The following TBC1D22A variants were observed in gnomAD, a reference collection of about 807,000 sequenced individuals.
TBC1D22A encodes putative GTPase activator.
TBC1D22A carries 38 observed loss-of-function variants against 60.2 expected under a neutral mutation model. The ratio of observed to expected loss-of-function variants is 0.63; its 90% CI spans 0.49 to 0.83. The LOEUF (loss-of-function observed/expected upper bound fraction) is 0.83, where lower values mean the gene tolerates loss of function less well. Ranked by LOEUF, TBC1D22A falls within the 40% of genes least tolerant of loss-of-function variation. The pLI, the probability that TBC1D22A is intolerant of heterozygous loss-of-function variation, is 0.00. For missense variants in TBC1D22A, 628 were observed against 701.0 expected (o/e 0.90, Z 1.18); for synonymous variants, 302 against 281.7 (o/e 1.07, Z -0.72).
intron 4 of TBC1D22A, among the ~76,000 whole-genome samples, chr22:46,800,077 C>T (rs761331340): frequency 6.6e-6 from 1 of 152,166 alleles, no homozygotes; most frequent in Non-Finnish European, 1.5e-5. Context: ...CCATGGCGTA[C>T]GTGGAGAACC....
At chr22:46,818,906 C>T (rs2085711876) in intron 4 of TBC1D22A, among the ~76,000 whole-genome samples, 1 of 152,094 alleles carries the variant, frequency 6.6e-6, no homozygotes, top group Non-Finnish European at 1.5e-5. Flanking sequence ...TCTGTTACTT[C>T]CTTGAGCAGT....
chr22:47,168,432 C>T (rs1417056548), intron 12 of TBC1D22A, among the ~76,000 whole-genome samples: 2 of 151,494 alleles, frequency 1.3e-5, no homozygotes, highest in Admixed American at 6.6e-5. Flanking sequence ...GCTGTGGGCT[C>T]GGTTTTGGGG....
At chr22:46,846,351 TCA>T (rs2147250919) in intron 4 of TBC1D22A, among the ~76,000 whole-genome samples, 1 of 152,342 alleles carries the variant, frequency 6.6e-6, no homozygotes, top group East Asian at 1.9e-4. Context: ...CATCGCTTAC[TCA>T]CCTATGCTTT....
intron 12 of TBC1D22A, among the ~76,000 whole-genome samples, chr22:47,154,458 C>A (rs1221056254): frequency 1.3e-5 from 2 of 152,186 alleles, no homozygotes; most frequent in Non-Finnish European, 2.9e-5. Context: ...AATTACGACT[C>A]TTTGACTGCA....
intron 3 of TBC1D22A, among the ~76,000 whole-genome samples, chr22:46,796,226 G>T (rs1210749384): frequency 6.6e-6 from 1 of 152,162 alleles, no homozygotes; most frequent in Non-Finnish European, 1.5e-5. Flanking sequence ...CCCCACTTTA[G>T]CAGACTTTTC....
At chr22:47,050,341 C>T (rs1242520590) in intron 11 of TBC1D22A, among the ~76,000 whole-genome samples, 2 of 152,218 alleles carry the variant, frequency 1.3e-5, no homozygotes, top group Non-Finnish European at 2.9e-5. Context: ...CATCACTGGG[C>T]ATTTTCATTA....
chr22:46,957,482 A>C (rs755325945), intron 8 of TBC1D22A, among the ~76,000 whole-genome samples: 26 of 152,228 alleles, frequency 1.7e-4, no homozygotes, highest in Non-Finnish European at 3.8e-4. Flanking sequence ...TGCTTATAAG[A>C]CCAGCACATC....
chr22:46,942,615 G>A (rs767743414), intron 8 of TBC1D22A, among the ~76,000 whole-genome samples: 10 of 152,180 alleles, frequency 6.6e-5, no homozygotes, highest in Admixed American at 1.3e-4. Flanking sequence ...TACAGCACAT[G>A]TCAATTAGGA....
chr22:47,087,934 G>A (rs914426967), intron 11 of TBC1D22A, among the ~76,000 whole-genome samples: 2 of 151,998 alleles, frequency 1.3e-5, no homozygotes, highest in African/African-American at 2.4e-5. Flanking sequence ...TTAGCCAGGC[G>A]TGGTGGCGGG....
chr22:46,893,579 T>C (rs2068515936), intron 6 of TBC1D22A, among the ~76,000 whole-genome samples: 1 of 152,236 alleles, frequency 6.6e-6, no homozygotes. Context: ...CAGGAGCTTA[T>C]GCTGCTCATG....
intron 11 of TBC1D22A, among the ~76,000 whole-genome samples, chr22:47,100,262 G>T (rs1603267918): frequency 6.6e-6 from 1 of 151,756 alleles, no homozygotes; most frequent in Admixed American, 6.6e-5. Flanking sequence ...CAAGGGTGAG[G>T]CCTCAGGGCA....
chr22:47,016,937 G>A (rs148343717), intron 10 of TBC1D22A, among the ~76,000 whole-genome samples: 4 of 152,342 alleles, frequency 2.6e-5, no homozygotes, highest in Non-Finnish European at 4.4e-5. Flanking sequence ...CAGGTTTGAC[G>A]CACCTGTCCC....
At chr22:46,765,957 ATGTGTGTGTGTGTGTGTGTGTGTGTGTG>A (rs747869318) in intron 1 of TBC1D22A, among the ~76,000 whole-genome samples, 2 of 128,568 alleles carry the variant, frequency 1.6e-5, no homozygotes, top group African/African-American at 3.0e-5. Flanking sequence ...CAGCTAATTT[ATGTGTGTGTGTGTGTGTGTGTGTGTGTG>A]TGTGTGTGTG....
chr22:46,773,787 A>G (rs2146732955), intron 1 of TBC1D22A: 2 of 356,926 alleles, frequency 5.6e-6, no homozygotes, highest in Admixed American at 6.4e-5. Flanking sequence ...GACACTGTAC[A>G]TGCAACCACA....
At chr22:46,832,518 C>T (rs1174842727) in intron 4 of TBC1D22A, among the ~76,000 whole-genome samples, 1 of 151,948 alleles carries the variant, frequency 6.6e-6, no homozygotes, top group Non-Finnish European at 1.5e-5. Context: ...TGGTGGCGGG[C>T]ACCTGTAATC....
In TBC1D22A at chr22:46,931,499, TAATTTAATATCCAGG is replaced by T. The variant is rs2071353030; in HGVS notation, c.1015+19314_1015+19328del. Among the ~76,000 whole-genome samples the T allele has an allele frequency of 9.2e-5, 14 of 152,352 alleles. No homozygotes were observed. In the South Asian group the frequency reaches 2.9e-3, roughly 32 times the overall value. ...TAGCCCTCCTAATATAAATGCCACA[TAATTTAATATCCAGG>T]AACTTGAGTAATTCAAACCAGCACC... On this transcript the variant is annotated intron_variant, in intron 8 of 12. Transcript: ENST00000337137.
chr22:46,768,852 G>A (rs1412678767), intron 1 of TBC1D22A, among the ~76,000 whole-genome samples: 1 of 152,036 alleles, frequency 6.6e-6, no homozygotes, highest in East Asian at 1.9e-4. Flanking sequence ...TCAGCACTTT[G>A]GGGGGCCCAG....
intron 5 of TBC1D22A, among the ~76,000 whole-genome samples, chr22:46,888,609 C>T (rs1432632740): frequency 6.6e-6 from 1 of 152,208 alleles, no homozygotes; most frequent in Admixed American, 6.5e-5. Context: ...GGAGCCCAGT[C>T]AGACTTCATG....
intron 12 of TBC1D22A, among the ~76,000 whole-genome samples, chr22:47,162,702 CCCGGTGCAGGGAGAG>C: frequency 1.1e-4 from 12 of 110,604 alleles, no homozygotes; most frequent in African/African-American, 4.9e-4. Context: ...GGACTGCGGA[CCCGGTGCAGGGAGAG>C]TCGTGGGAAT....
Sources: allele counts gnomAD v4.1 joint callset (sites outside exome capture counted in the v4.1 genomes callset), GRCh38; gene constraint gnomAD v4.1.1; transcripts MANE v1.5; gene names NCBI Gene and HGNC (gene_info 2026-07-23, HGNC 2026-07-21).